Variants in WASF3 observed in about 807,000 individuals in gnomAD.
WASF3 encodes WASP family member 3.
Under a neutral mutation model 46.6 loss-of-function variants are expected in WASF3, and 11 were observed. The observed-to-expected ratio is 0.24, with a 90% confidence interval of 0.15 to 0.39. The LOEUF (loss-of-function observed/expected upper bound fraction) is 0.39, where lower values mean the gene tolerates loss of function less well. Ranked by LOEUF, WASF3 falls within the 10% of genes least tolerant of loss-of-function variation. WASF3 has a pLI of 1.00. For synonymous variants in WASF3, 242 were observed against 259.7 expected (o/e 0.93, Z 0.65); for missense variants, 576 against 669.8 (o/e 0.86, Z 1.55).
Position 26,688,023 on chromosome 13 carries a change from G to T in WASF3, c.*2178G>T, listed in dbSNP as rs1883465787. ...TTCATGAGCCTGTTAATTGTTAGTT[G>T]TCTTCCTGTAGCTGAATCAACAAGT... On this transcript the variant is annotated 3_prime_UTR_variant, in exon 10 of 10. Transcript: ENST00000335327. The T allele has an allele frequency of 6.6e-6, 1 of 152,064 alleles. No individual in the cohort carries two copies. The highest frequency in any genetic ancestry group is 1.5e-5 in the Non-Finnish European group (1 of 68,004). 9.4% of individuals were successfully genotyped at this position (152,064 alleles called of 1,614,324 possible). A position where few individuals can be genotyped will look rare whatever the true frequency, so the allele number is the denominator to read the frequency against.
chr13:26,630,965 G>A (rs1881633643), intron 2 of WASF3, among the ~76,000 whole-genome samples: 1 of 152,172 alleles, frequency 6.6e-6, no homozygotes, highest in Admixed American at 6.5e-5. Context: ...CTTCTTTTGA[G>A]AAGTGTCTGT....
chr13:26,656,253 A>G (rs1281107611), intron 3 of WASF3, among the ~76,000 whole-genome samples: 2 of 152,218 alleles, frequency 1.3e-5, no homozygotes, highest in African/African-American at 4.8e-5. Flanking sequence ...CAAAGTAAAA[A>G]AAAGTTTCTT....
At chr13:26,558,045 G>C (rs1879155741) in intron 1 of WASF3, among the ~76,000 whole-genome samples, 1 of 151,550 alleles carries the variant, frequency 6.6e-6, no homozygotes, top group Admixed American at 6.6e-5. Flanking sequence ...CGCGCTGGCA[G>C]GGGCTTCTCG....
Position 26,682,814 on chromosome 13 carries a change from C to T in WASF3, c.1191C>T (p.Pro397=), listed in dbSNP as rs1403369763. The change falls in exon 9 of 10, where the codon CCC becomes CCT. Residue 397 remains proline (P), a synonymous_variant. Coordinates refer to ENST00000335327, the MANE Select transcript of WASF3 (RefSeq NM_006646.6). The surrounding 1 kb of genome is among the most constrained non-coding windows in gnomAD (Gnocchi z 4.4). The part of the protein sequence containing the change: ...STGLLVTAPP[P]PGPPPPPPGP... ...GGCTCCTGGTCACAGCCCCGCCACC[C>T]CCGGGCCCACCACCTCCCCCGCCAG... The T allele has an allele frequency of 8.7e-6, 14 of 1,610,486 alleles. No individual in the cohort carries two copies. In the South Asian group the frequency reaches 1.3e-4, roughly 15 times the overall value.
intron 2 of WASF3, chr13:26,626,096 A>C (rs1881455807): frequency 6.6e-6 from 1 of 152,230 alleles, no homozygotes; most frequent in Non-Finnish European, 1.5e-5. Context: ...CCATTGCAGA[A>C]GGTAGAGGAG....
rs749391813 is a variant in WASF3, at chr13:26,667,563, A to T, written c.315A>T (p.Thr105=). 2 of 1,614,124 alleles carry T rather than the reference A, an allele frequency of 1.2e-6. No homozygotes were observed. Among genetic ancestry groups the T allele is most frequent in the Middle Eastern group, 1.7e-4 (1 of 6,060 alleles). Residue 105 remains threonine, a synonymous_variant, in exon 5 of 10, where the codon ACA becomes ACT. Coordinates refer to ENST00000335327, the MANE Select transcript of WASF3 (RefSeq NM_006646.6). ...INMKKAFKSS[T]VQDQQVVSKN... ...TGAAAAAAGCTTTCAAAAGTTCCAC[A>T]GTCCAAGACCAGCAAGTGGTTTCAA... is the stretch of plus-strand genomic sequence containing the variant.
At chr13:26,559,591 A>G (rs990776525) in intron 1 of WASF3, among the ~76,000 whole-genome samples, 1 of 152,184 alleles carries the variant, frequency 6.6e-6, no homozygotes, top group Admixed American at 6.5e-5. Flanking sequence ...ATGGCAGGTA[A>G]CCTTTTGGTT....
chr13:26,680,989 T>G, intron 7 of WASF3, 65 bp from the exon 8 acceptor site: 1 of 1,543,212 alleles, frequency 6.5e-7, no homozygotes, highest in Non-Finnish European at 8.8e-7. Context: ...TACATCCATG[T>G]GCCTGTTAGC....
intron 3 of WASF3, among the ~76,000 whole-genome samples, chr13:26,663,522 A>G (rs1403097337): frequency 2.0e-5 from 3 of 152,362 alleles, no homozygotes; most frequent in Admixed American, 6.5e-5. Flanking sequence ...GAGCTTTAAG[A>G]GAAGCAATTT....
intron 3 of WASF3, among the ~76,000 whole-genome samples, chr13:26,653,188 C>T (rs1209518735): frequency 6.6e-6 from 1 of 152,180 alleles, no homozygotes; most frequent in East Asian, 1.9e-4. Flanking sequence ...TCTCCTCCAA[C>T]GGAGCACTGG....
At position 26,576,566 on chromosome 13, in the gene WASF3, T is replaced by G. The variant is rs558986752; in HGVS notation, c.-109+18747T>G. 3.3e-5 allele frequency among the ~76,000 whole-genome samples: 5 copies of G among 152,312 alleles called. No individual in the cohort carries two copies. The South Asian group carries it at 1.0e-3, about 32-fold the overall frequency. On this transcript the variant is annotated intron_variant, in intron 1 of 9. Transcript: ENST00000335327. ...AATGTTTAGGAACTTCACTGAGATA[T>G]AGTTTGGAGTGTGGTACATCATGTG...
At chr13:26,553,885 G>C (rs1879023058), upstream of WASF3, among the ~76,000 whole-genome samples, 2 of 151,520 alleles carry the variant, frequency 1.3e-5, no homozygotes, top group Admixed American at 1.3e-4. Context: ...TTGTGTAATT[G>C]GATAAAGGTA....
intron 1 of WASF3, among the ~76,000 whole-genome samples, chr13:26,574,512 C>T (rs1232332704): frequency 1.3e-5 from 2 of 151,240 alleles, no homozygotes. Flanking sequence ...ATTTTTGTTC[C>T]TTTATTTTTA....
chr13:26,630,819 A>C (rs1881629779), intron 2 of WASF3, among the ~76,000 whole-genome samples: 1 of 152,098 alleles, frequency 6.6e-6, no homozygotes, highest in Non-Finnish European at 1.5e-5. Context: ...TCTCCAGCAT[A>C]TGTTGTTTCC....
chr13:26,661,021 T>C (rs1882613589), intron 3 of WASF3, among the ~76,000 whole-genome samples: 1 of 152,200 alleles, frequency 6.6e-6, no homozygotes, highest in African/African-American at 2.4e-5. Context: ...TCACAGGAAC[T>C]ACTAGAGCAA....
intron 1 of WASF3, among the ~76,000 whole-genome samples, chr13:26,580,615 C>A (rs913661961): frequency 7.3e-6 from 1 of 136,288 alleles, no homozygotes. Context: ...TTTGAAATTT[C>A]TTTTTTCTTT....
In WASF3 at chr13:26,678,978, C is replaced by T. The variant is rs577598738; in HGVS notation, c.717-2076C>T. ...CCTCCTCCTCCCATGTCAGCGTTGT[C>T]TCCAGCCCTCCCAGCCCTCTTCCTC... On this transcript the variant is annotated intron_variant, in intron 7 of 9. Coordinates refer to ENST00000335327, the MANE Select transcript of WASF3 (RefSeq NM_006646.6). 4.7e-5 allele frequency among the ~76,000 whole-genome samples: 7 copies of T among 150,474 alleles called. No individual in the cohort carries two copies. In the East Asian group the frequency reaches 1.4e-3, roughly 29 times the overall value.
chr13:26,682,686 G>A lies in WASF3; in HGVS notation c.1063G>A (p.Ala355Thr). 1 of 1,614,044 alleles carries A rather than the reference G, an allele frequency of 6.2e-7. No homozygotes were observed. The highest frequency in any genetic ancestry group is 1.1e-5 in the South Asian group (1 of 91,074). The change falls in exon 9 of 10, where the codon GCA (alanine) becomes ACA (threonine). Residue 355 changes from alanine (A) to threonine (T), a missense_variant. Physicochemically the swap from Ala to Thr is moderately conservative, Grantham distance 58. Transcript: ENST00000335327. This position sits in a 1 kb window ranked among gnomAD's most constrained non-coding sequence, Gnocchi z 4.4. ...GCCACCTCCTCCTGTGATTCCCTCA[G>A]CACAAACTGCCTTCGTCAGCCCTCT... is the stretch of plus-strand genomic sequence containing the variant. The part of the protein sequence containing the change: ...PPPPPPVIPS[A>T]QTAFVSPLQM...
In WASF3 at chr13:26,665,167, G is replaced by GTAAT; in HGVS notation, c.268+7_268+10dup. 6.2e-7 allele frequency: 1 copy of GTAAT among 1,613,322 alleles called. No homozygotes were observed. Among genetic ancestry groups the GTAAT allele is most frequent in the African/African-American group, 1.3e-5 (1 of 75,050 alleles). ...TGGATTCAACAGTGGAAGAGGGTAG[G>GTAAT]TAATTGCCTGAAAGCAGTGAGCTAG... On this transcript the variant is annotated splice_donor_region_variant and intron_variant, in intron 4 of 9. Transcript: ENST00000335327.
Sources: allele counts gnomAD v4.1 joint callset (sites outside exome capture counted in the v4.1 genomes callset), GRCh38; gene constraint gnomAD v4.1.1; non-coding constraint Gnocchi (gnomAD v3.1); transcripts MANE v1.5; gene names NCBI Gene and HGNC (gene_info 2026-07-23, HGNC 2026-07-21).